Variants in SMCO3 observed in about 807,000 individuals in gnomAD.
SMCO3 encodes single-pass membrane and coiled-coil domain-containing protein 3.
Under a neutral mutation model 12.0 loss-of-function variants are expected in SMCO3, and 6 were observed. That is an observed-to-expected ratio of 0.50 (90% confidence interval 0.27 to 0.99). The LOEUF is 0.99. Ranked by LOEUF, SMCO3 falls within the 50% of genes least tolerant of loss-of-function variation. SMCO3 has a pLI of 0.11. For missense variants in SMCO3, 279 were observed against 265.0 expected, an observed-to-expected ratio of 1.05 and a Z score of -0.37; for synonymous variants, 96 against 96.4, an observed-to-expected ratio of 1.00 and a Z score of 0.02.
intron 1 of SMCO3, among the ~76,000 whole-genome samples, chr12:14,812,561 A>AT (rs1950158062): frequency 6.6e-6 from 1 of 152,006 alleles, no homozygotes; most frequent in African/African-American, 2.4e-5. Flanking sequence ...ATACCCACAG[A>AT]TTTTTTTTCC....
chr12:14,809,546 C>T (rs529703258), intron 1 of SMCO3, among the ~76,000 whole-genome samples: 3 of 152,066 alleles, frequency 2.0e-5, no homozygotes, highest in Admixed American at 1.3e-4. Flanking sequence ...CAATAATAAT[C>T]GAAATTATTA....
In SMCO3 at chr12:14,806,443, A is replaced by T; in HGVS notation, c.238T>A (p.Leu80Met). The T allele has an allele frequency of 6.2e-7, 1 of 1,614,120 alleles. No individual in the cohort carries two copies. The highest frequency in any genetic ancestry group is 8.5e-7 in the Non-Finnish European group (1 of 1,180,028). The change falls in exon 2 of 2, where the codon TTG becomes ATG. Residue 80 changes from leucine to methionine, a missense_variant. By Grantham distance (15) the Leu-to-Met change is conservative. Coordinates refer to ENST00000316048, the MANE Select transcript of SMCO3 (RefSeq NM_001013698.2). Reference protein sequence around the residue: ...IQAIMKIQKELQKVDEALKDK... With the variant: ...IQAIMKIQKEMQKVDEALKDK... ...TTTAGTGCTTCATCAACCTTCTGCAATTCCTTTTGGATTTTCATAATGGCT... is the reference window on the plus strand; with the variant it reads ...TTTAGTGCTTCATCAACCTTCTGCATTTCCTTTTGGATTTTCATAATGGCT...
intron 1 of SMCO3, among the ~76,000 whole-genome samples, chr12:14,810,099 T>C (rs61920258): frequency 1.1e-3 from 169 of 152,354 alleles, no homozygotes; most frequent in Non-Finnish European, 1.5e-3. Context: ...CTAAGAATTA[T>C]GTTTCCCTTA....
In SMCO3 at chr12:14,806,464, T is replaced by C. The variant is rs1172534202; in HGVS notation, c.217A>G (p.Ile73Val). The C allele has an allele frequency of 1.4e-5, 22 of 1,614,056 alleles. No homozygotes were observed. The highest frequency in any genetic ancestry group is 1.9e-5 in the Non-Finnish European group (22 of 1,180,042). Residue 73 changes from isoleucine (I) to valine (V), a missense_variant, in exon 2 of 2, where the codon ATT (isoleucine) becomes GTT (valine). By Grantham distance (29) the Ile-to-Val change is conservative. Coordinates refer to ENST00000316048, the MANE Select transcript of SMCO3 (RefSeq NM_001013698.2). ...KENCDLIIQAIMKIQKELQKV... is the reference protein window; with the variant it reads ...KENCDLIIQAVMKIQKELQKV... ...TGCAATTCCTTTTGGATTTTCATAA[T>C]GGCTTGGATGATGAGGTCACAGTTT...
chr12:14,806,343 A>T lies in SMCO3; in HGVS notation c.338T>A (p.Val113Glu), dbSNP rs965681953. Residue 113 changes from valine to glutamate, a missense_variant, in exon 2 of 2, where the codon GTG becomes GAG. By Grantham distance (121) the Val-to-Glu change is moderately radical (BLOSUM62 -2). Coordinates refer to ENST00000316048, the MANE Select transcript of SMCO3 (RefSeq NM_001013698.2). ...CAGGATGACCGAAATAACCTTTTGC[A>T]CTATTGCAATTTTGTCTGTTTCCTT... ...KEKETDKIAI[V>E]QKVISVILGE... The T allele has an allele frequency of 2.5e-6, 4 of 1,614,216 alleles. No homozygotes were observed. The Admixed American group carries it at 6.7e-5, about 27-fold the overall frequency.
At chr12:14,810,529 A>G (rs566509086) in intron 1 of SMCO3, among the ~76,000 whole-genome samples, 2 of 152,354 alleles carry the variant, frequency 1.3e-5, no homozygotes, top group Admixed American at 1.3e-4. Context: ...TTTCTAATCT[A>G]GTTAGGAAGT....
chr12:14,806,797 A>G (rs1420775812), intron 1 of SMCO3, 101 bp from the exon 2 acceptor site: 2 of 1,052,352 alleles, frequency 1.9e-6, no homozygotes, highest in Non-Finnish European at 2.7e-6. Context: ...ATAGCAAAGA[A>G]GCAAGATGCT....
Position 14,806,595 on chromosome 12 carries a change from A to G in SMCO3, c.86T>C (p.Leu29Ser), listed in dbSNP as rs769220421. 1 of 1,614,166 alleles carries G rather than the reference A, an allele frequency of 6.2e-7. No homozygotes were observed. The highest frequency in any genetic ancestry group is 1.7e-5 in the Admixed American group (1 of 60,028). The change falls in exon 2 of 2, where the codon TTA becomes TCA. Residue 29 changes from leucine (L) to serine (S), a missense_variant. Transcript: ENST00000316048. The stretch of plus-strand genomic sequence containing the variant: ...ATTGGTGACATCGAAGCTGTCAGAT[A>G]AGCAATCAAGAAGCTGCTGGTGAAG... ...NRLHQQLLDC[L>S]SDSFDVTNKL...
chr12:14,805,941 A>G lies in SMCO3; in HGVS notation c.*62T>C. The G allele has an allele frequency of 6.8e-7, 1 of 1,471,368 alleles. No individual in the cohort carries two copies. The highest frequency in any genetic ancestry group is 1.3e-5 in the South Asian group (1 of 74,416). 91.1% of individuals were successfully genotyped at this position (1,471,368 alleles called of 1,614,324 possible). ...CTATAGAAAATGAACCTAATCAAAG[A>G]AGCAAACACTGTTACTGAAAAGGAA... On this transcript the variant is annotated 3_prime_UTR_variant, in exon 2 of 2. Coordinates refer to ENST00000316048, the MANE Select transcript of SMCO3 (RefSeq NM_001013698.2).
intron 1 of SMCO3, among the ~76,000 whole-genome samples, chr12:14,811,691 ATACAGTTGT>A (rs1950140894): frequency 6.6e-6 from 1 of 152,244 alleles, no homozygotes; most frequent in African/African-American, 2.4e-5. Flanking sequence ...TAATGACATC[ATACAGTTGT>A]TTTAGTTTTT....
At chr12:14,811,068 T>C (rs1311120690) in intron 1 of SMCO3, among the ~76,000 whole-genome samples, 3 of 152,228 alleles carry the variant, frequency 2.0e-5, no homozygotes, top group African/African-American at 4.8e-5. Flanking sequence ...AAGTGGTATA[T>C]TTAATCCAGC....
In SMCO3 at chr12:14,805,543, C is replaced by T. The variant is rs115421638; in HGVS notation, c.*460G>A. On this transcript the variant is annotated 3_prime_UTR_variant, in exon 2 of 2. Coordinates refer to ENST00000316048, the MANE Select transcript of SMCO3 (RefSeq NM_001013698.2). Reference sequence around the variant, plus strand: ...GATGGTCAAAAATATGGTAGTATTTCTGTCTCATTCGAAGGCCTAGAGTTT... The same window carrying T: ...GATGGTCAAAAATATGGTAGTATTTTTGTCTCATTCGAAGGCCTAGAGTTT... 0.016 allele frequency: 2,483 copies of T among 154,148 alleles called. 67 individuals carry two copies. Among genetic ancestry groups the T allele is most frequent in the African/African-American group, 0.056 (2,329 of 41,590 alleles). The allele number at this position is 154,148 out of a possible 1,614,324, so 9.5% of individuals were successfully genotyped here.
Position 14,806,377 on chromosome 12 carries a change from T to A in SMCO3, c.304A>T (p.Ile102Phe). 6.2e-7 allele frequency: 1 copy of A among 1,614,256 alleles called. No individual in the cohort carries two copies. Among genetic ancestry groups the A allele is most frequent in the East Asian group, 2.2e-5 (1 of 44,890 alleles). The change falls in exon 2 of 2, where the codon ATT (isoleucine) becomes TTT (phenylalanine). Residue 102 changes from isoleucine (I) to phenylalanine (F), a missense_variant. Physicochemically the swap from Ile to Phe is conservative, Grantham distance 21. Transcript: ENST00000316048. ...EPTLYRKLQD[I>F]KEKETDKIAI... ...ATTTTGTCTGTTTCCTTTTCCTTAA[T>A]ATCCTGAAGTTTTCTATAGAGGGTT...
Position 14,805,253 on chromosome 12 carries a change from G to A in SMCO3, c.*750C>T, listed in dbSNP as rs1340462490. The A allele has an allele frequency of 1.3e-5, 2 of 152,202 alleles. No individual in the cohort carries two copies. The highest frequency in any genetic ancestry group is 2.9e-5 in the Non-Finnish European group (2 of 68,040). The allele number at this position is 152,202 out of a possible 1,614,324, so 9.4% of individuals were successfully genotyped here. A position where few individuals can be genotyped will look rare whatever the true frequency, so the allele number is the denominator to read the frequency against. ...TCCTAAATGCAATATGTGTAGCTGT[G>A]TTTTGCTTTCTTGTCTTCTAAATGT... On this transcript the variant is annotated 3_prime_UTR_variant, in exon 2 of 2. Transcript: ENST00000316048.
chr12:14,809,287 A>G (rs1243348443), intron 1 of SMCO3, among the ~76,000 whole-genome samples: 1 of 152,216 alleles, frequency 6.6e-6, no homozygotes, highest in Non-Finnish European at 1.5e-5. Flanking sequence ...CTCCTTTTCA[A>G]TTAACTCATT....
chr12:14,805,809 C>A lies in SMCO3; in HGVS notation c.*194G>T. The A allele has an allele frequency of 1.6e-6, 1 of 637,564 alleles. No individual in the cohort carries two copies. The highest frequency in any genetic ancestry group is 2.6e-6 in the Non-Finnish European group (1 of 379,132). 39.5% of individuals were successfully genotyped at this position (637,564 alleles called of 1,614,324 possible). A position where few individuals can be genotyped will look rare whatever the true frequency, so the allele number is the denominator to read the frequency against. The stretch of plus-strand genomic sequence containing the variant: ...TTTTTTACCTCACAGGGTCTAGCAT[C>A]AGCTGATCCAGGCATTGTTGACTCA... On this transcript the variant is annotated 3_prime_UTR_variant, in exon 2 of 2. Transcript: ENST00000316048.
intron 1 of SMCO3, among the ~76,000 whole-genome samples, chr12:14,811,321 C>T (rs1436073322): frequency 6.6e-6 from 1 of 152,160 alleles, no homozygotes; most frequent in African/African-American, 2.4e-5. Context: ...TCTGGGTCTC[C>T]CATTTTTCAC....
At chr12:14,806,894 C>T (rs1391708313) in intron 1 of SMCO3, among the ~76,000 whole-genome samples, 198 bp from the exon 2 acceptor site, 2 of 152,112 alleles carry the variant, frequency 1.3e-5, no homozygotes, top group East Asian at 1.9e-4. Context: ...TGCAGTGGTG[C>T]GATCTCAGCT....
chr12:14,810,633 TAAAC>T (rs1031770014), intron 1 of SMCO3, among the ~76,000 whole-genome samples: 1 of 152,248 alleles, frequency 6.6e-6, no homozygotes, highest in Non-Finnish European at 1.5e-5. Flanking sequence ...AAATTTGTTT[TAAAC>T]AACCCACACT....
Sources: allele counts gnomAD v4.1 joint callset (sites outside exome capture counted in the v4.1 genomes callset), GRCh38; gene constraint gnomAD v4.1.1; transcripts MANE v1.5; gene names NCBI Gene and HGNC (gene_info 2026-07-23, HGNC 2026-07-21).